Variants in PODN observed in about 807,000 individuals in gnomAD.
PODN encodes the protein podocan.
PODN carries 40 observed loss-of-function variants against 52.7 expected under a neutral mutation model. The ratio of observed to expected loss-of-function variants is 0.76; its 90% CI spans 0.59 to 0.99. The LOEUF is 0.99. Among genes scored for constraint, PODN ranks in the 50% least tolerant of loss-of-function variants. The pLI is 0.00. For synonymous variants in PODN, 396 were observed against 377.9 expected (o/e 1.05, Z -0.56); for missense variants, 720 against 815.1 (o/e 0.88, Z 1.42).
chr1:53,071,317 G>A, intron 2 of PODN: 1 of 485,030 alleles, frequency 2.1e-6, no homozygotes, highest in Non-Finnish European at 3.7e-6. Context: ...CTGAAGGCAG[G>A]ACCCACACTC....
chr1:53,084,845 C>T lies in PODN; in HGVS notation c.*360C>T, dbSNP rs1381033507. ...CCTGGCACACACAGGCACCCATTCC[C>T]TCCCCCTGCTGACATGTGTATGCGT... On this transcript the variant is annotated 3_prime_UTR_variant, in exon 11 of 11. Transcript: ENST00000312553. 4 of 152,180 alleles carry T rather than the reference C, an allele frequency of 2.6e-5. No individual in the cohort carries two copies. Among genetic ancestry groups the T allele is most frequent in the Non-Finnish European group, 4.4e-5 (3 of 68,062 alleles). 9.4% of individuals were successfully genotyped at this position (152,180 alleles called of 1,614,324 possible). A position where few individuals can be genotyped will look rare whatever the true frequency, so the allele number is the denominator to read the frequency against.
At chr1:53,070,267 C>T (rs1644098649) in intron 2 of PODN, 100 bp downstream of exon 2, 2 of 1,547,512 alleles carry the variant, frequency 1.3e-6, no homozygotes, top group Admixed American at 4.0e-5. Flanking sequence ...TCACCCAGAA[C>T]CTCCAATATG....
At chr1:53,070,753 G>C (rs535518154) in intron 2 of PODN, among the ~76,000 whole-genome samples, 1 of 152,266 alleles carries the variant, frequency 6.6e-6, no homozygotes, top group South Asian at 2.1e-4. Flanking sequence ...GGCCTGGTGC[G>C]GGAGAGTGAC....
Position 53,085,051 on chromosome 1 carries a change from TGC to T in PODN, c.*567_*568del. 1 of 152,318 alleles carries T rather than the reference TGC, an allele frequency of 6.6e-6. No homozygotes were observed. The highest frequency in any genetic ancestry group is 2.4e-5 in the African/African-American group (1 of 41,452). 9.4% of individuals were successfully genotyped at this position (152,318 alleles called of 1,614,324 possible). A position where few individuals can be genotyped will look rare whatever the true frequency, so the allele number is the denominator to read the frequency against. On this transcript the variant is annotated 3_prime_UTR_variant, in exon 11 of 11. Transcript: ENST00000312553. ...AGGGTATCCATGCTCTGTGGCCAGGTGCCTGCCACCCTCTGGAACTCACAAAA... is the reference window on the plus strand; with the variant it reads ...AGGGTATCCATGCTCTGTGGCCAGGTCTGCCACCCTCTGGAACTCACAAAA...
rs766963818 is a variant in PODN, at chr1:53,078,702, G to A, written c.1192G>A (p.Glu398Lys). The change falls in exon 8 of 11, where the codon GAA becomes AAA. Residue 398 changes from glutamate (E) to lysine (K), a missense_variant. Coordinates refer to ENST00000312553, the MANE Select transcript of PODN (RefSeq NM_153703.5). The stretch of plus-strand genomic sequence containing the variant: ...CAACCAGATCACAGGCATTGGCCGC[G>A]AAGACTTTGCCACCACCTACTTCCT... ...LHNQITGIGR[E>K]DFATTYFLEE... The A allele has an allele frequency of 1.5e-5, 25 of 1,613,278 alleles. No homozygotes were observed. Among genetic ancestry groups the A allele is most frequent in the Non-Finnish European group, 1.9e-5 (23 of 1,179,986 alleles).
intron 10 of PODN, among the ~76,000 whole-genome samples, chr1:53,083,968 G>A (rs933311984): frequency 6.6e-6 from 1 of 152,164 alleles, no homozygotes; most frequent in African/African-American, 2.4e-5. Context: ...AGGAACCAGA[G>A]GGGGCTGTTG....
At chr1:53,066,441 C>G (rs76965696) in intron 1 of PODN, among the ~76,000 whole-genome samples, 4,873 of 152,010 alleles carry the variant, frequency 0.032, 267 homozygotes, top group African/African-American at 0.11. Flanking sequence ...TTTTTTTGTA[C>G]GACATCTTTG....
At chr1:53,064,767 C>A (rs766810239) in intron 1 of PODN, among the ~76,000 whole-genome samples, 34 of 152,316 alleles carry the variant, frequency 2.2e-4, no homozygotes, top group Middle Eastern at 6.8e-3. Flanking sequence ...TCATTTAATT[C>A]TCACAAGTAG....
At chr1:53,077,942 T>C in intron 7 of PODN, 142 bp downstream of exon 7, 1 of 640,122 alleles carries the variant, frequency 1.6e-6, no homozygotes, top group South Asian at 2.0e-5. Flanking sequence ...GCCTTGTGCC[T>C]CTGTTGACAT....
At chr1:53,063,071 C>T (rs368834711) in intron 1 of PODN, among the ~76,000 whole-genome samples, 15 of 152,174 alleles carry the variant, frequency 9.9e-5, no homozygotes, top group African/African-American at 3.6e-4. Flanking sequence ...TTCCAGGTCC[C>T]CGAGCCACAG....
chr1:53,070,232 A>C, intron 2 of PODN, 65 bp downstream of exon 2: 4 of 1,581,276 alleles, frequency 2.5e-6, no homozygotes, highest in South Asian at 1.1e-5. Flanking sequence ...CCCATCCCAG[A>C]ACCCTGACAC....
chr1:53,069,865 A>G lies in PODN; in HGVS notation c.10A>G (p.Ser4Gly). Residue 4 changes from serine (S) to glycine (G), a missense_variant, in exon 2 of 11, where the codon AGC becomes GGC. Transcript: ENST00000312553. Reference sequence around the variant, plus strand: ...ACCCCCTGCAGGCACCATGGCCCAGAGCCGGGTGCTGCTGCTCCTGCTGCT... The same window carrying G: ...ACCCCCTGCAGGCACCATGGCCCAGGGCCGGGTGCTGCTGCTCCTGCTGCT... MAQ[S>G]RVLLLLLLLP... 1 of 1,570,580 alleles carries G rather than the reference A, an allele frequency of 6.4e-7. No homozygotes were observed. Among genetic ancestry groups the G allele is most frequent in the Non-Finnish European group, 8.6e-7 (1 of 1,158,352 alleles).
chr1:53,066,896 G>T, intron 1 of PODN: 1 of 1,540,660 alleles, frequency 6.5e-7, no homozygotes, highest in Admixed American at 2.0e-5. Context: ...TGAGACCAGA[G>T]CTCCTTCCCC....
chr1:53,078,310 G>T (rs1373453079), intron 7 of PODN, 55 bp from the exon 8 acceptor site: 1 of 1,511,068 alleles, frequency 6.6e-7, no homozygotes, highest in Non-Finnish European at 9.0e-7. Flanking sequence ...AATCATGGTG[G>T]AAACGAGCAC....
chr1:53,073,714 A>G (rs542409307), intron 3 of PODN: 2 of 152,346 alleles, frequency 1.3e-5, no homozygotes, highest in African/African-American at 4.8e-5. Context: ...GGAATTAACT[A>G]CTATTGACAT....
chr1:53,077,749 A>G lies in PODN; in HGVS notation c.803A>G (p.Tyr268Cys), dbSNP rs757151700. ...GAGCTGAGCAGCCTGCGCGAGCTAT[A>G]CCTGCAGAACAACTACCTGACTGAC... ...FSELSSLREL[Y>C]LQNNYLTDEG... Residue 268 changes from tyrosine to cysteine, a missense_variant, in exon 7 of 11, where the codon TAC becomes TGC. Physicochemically the swap from Tyr to Cys is radical, Grantham distance 194 (BLOSUM62 -2). Transcript: ENST00000312553. 6.2e-7 allele frequency: 1 copy of G among 1,613,664 alleles called. No homozygotes were observed. The highest frequency in any genetic ancestry group is 8.5e-7 in the Non-Finnish European group (1 of 1,179,962).
intron 1 of PODN, chr1:53,063,628 C>T: frequency 1.0e-6 from 1 of 965,142 alleles, no homozygotes. Context: ...GGGGGTTCTG[C>T]TCCCTCATGT....
intron 10 of PODN, among the ~76,000 whole-genome samples, chr1:53,083,301 T>C (rs57278282): frequency 0.011 from 1,744 of 152,280 alleles, 37 homozygotes; most frequent in African/African-American, 0.04. Context: ...GAGCCCTGTG[T>C]GAGGGGCTCT....
Position 53,074,613 on chromosome 1 carries a change from A to G in PODN, c.414A>G (p.Pro138=), listed in dbSNP as rs549532476. The G allele has an allele frequency of 6.8e-6, 11 of 1,614,046 alleles. No homozygotes were observed. The highest frequency in any genetic ancestry group is 7.6e-6 in the Non-Finnish European group (9 of 1,180,022). Residue 138 remains proline (P), a synonymous_variant, in exon 4 of 11, where the codon CCA becomes CCG. Coordinates refer to ENST00000312553, the MANE Select transcript of PODN (RefSeq NM_153703.5). ...QNNRLTSRGL[P]EKAFEHLTNL... Reference sequence around the variant, plus strand: ...GATGCCTGTCCTTTGAAGGGCTCCCAGAGAAGGCGTTTGAGCATCTGACCA... The same window carrying G: ...GATGCCTGTCCTTTGAAGGGCTCCCGGAGAAGGCGTTTGAGCATCTGACCA...
Sources: gnomAD v4.1 joint callset for allele counts (sites outside exome capture counted in the v4.1 genomes callset) on GRCh38, gnomAD v4.1.1 for gene constraint, MANE v1.5 for transcripts, NCBI Gene and HGNC (gene_info 2026-07-23, HGNC 2026-07-21) for gene names.